TM7SF2: variants seen among roughly 807,000 people sequenced by gnomAD.
The protein encoded by TM7SF2 is transmembrane 7 superfamily member 2.
In TM7SF2, 51 loss-of-function variants were observed where a neutral mutation model predicts 51.0. That is an observed-to-expected ratio of 1.00 (90% confidence interval 0.80 to 1.26). TM7SF2 has a LOEUF of 1.26. TM7SF2 is among the 50% of genes most tolerant of loss of function. The probability of loss-of-function intolerance (pLI) is 0.00; values close to 1 mark genes in which losing one functional copy is unlikely to be tolerated. For synonymous variants in TM7SF2, 255 were observed against 241.0 expected (o/e 1.06, Z -0.54); for missense variants, 541 against 547.4 (o/e 0.99, Z 0.12).
intron 1 of TM7SF2, 65 bp from the exon 2 acceptor site, chr11:65,112,450 C>T (rs1590815710): frequency 1.4e-6 from 2 of 1,428,790 alleles, no homozygotes; most frequent in Non-Finnish European, 1.8e-6. Flanking sequence ...TCAGGGCGCC[C>T]GTGCGGGCCG....
chr11:65,113,092 G>A, intron 3 of TM7SF2, 128 bp from the exon 4 acceptor site: 3 of 1,153,564 alleles, frequency 2.6e-6, no homozygotes, highest in African/African-American at 1.6e-5. Context: ...ATCCTCTGAA[G>A]GCCAGGGTGG....
In TM7SF2 at chr11:65,115,302, C is replaced by T; in HGVS notation, c.893-12C>T. On this transcript the variant is annotated splice_polypyrimidine_tract_variant and intron_variant, in intron 7 of 9. Coordinates refer to ENST00000279263, the MANE Select transcript of TM7SF2 (RefSeq NM_003273.6). Reference sequence around the variant, plus strand: ...CCTTGACCTTGACCACCGGTTCACACTCTCTCACCAGCTACTGGTTACTAC... The same window carrying T: ...CCTTGACCTTGACCACCGGTTCACATTCTCTCACCAGCTACTGGTTACTAC... 2.5e-6 allele frequency: 4 copies of T among 1,613,644 alleles called. No homozygotes were observed. The highest frequency in any genetic ancestry group is 1.3e-5 in the African/African-American group (1 of 75,050).
At chr11:65,112,312 TG>T in intron 1 of TM7SF2, 1 of 660,558 alleles carries the variant, frequency 1.5e-6, no homozygotes, top group Non-Finnish European at 2.4e-6. Context: ...TCGAGGGGCC[TG>T]GGGGCGGGGG....
In TM7SF2 at chr11:65,114,784, G is replaced by C. The variant is rs1565324081; in HGVS notation, c.675G>C (p.Leu225=). The change falls in exon 6 of 10, where the codon CTG becomes CTC. Residue 225 remains leucine (L), a synonymous_variant. Transcript: ENST00000279263. ...LRGSPSLAMW[L]VNGFQLLYVG... Reference sequence around the variant, plus strand: ...GCAGTCCCTCACTGGCCATGTGGCTGGTCAATGGCTTCCAGTTGCTCTACG... The same window carrying C: ...GCAGTCCCTCACTGGCCATGTGGCTCGTCAATGGCTTCCAGTTGCTCTACG... 1 of 1,614,254 alleles carries C rather than the reference G, an allele frequency of 6.2e-7. No individual in the cohort carries two copies. Among genetic ancestry groups the C allele is most frequent in the Non-Finnish European group, 8.5e-7 (1 of 1,180,044 alleles).
Position 65,114,943 on chromosome 11 carries a change from CAT to C in TM7SF2, c.755_756del (p.His252ArgfsTer68), listed in dbSNP as rs1352456359. On this transcript the variant is annotated frameshift_variant, in exon 7 of 10. Transcript: ENST00000279263. LOFTEE classifies it high-confidence loss of function. The part of the protein sequence containing the change: ...EAVLTTMDIT[H>X]DGFGFMLAFG... ...CGTCCTCACCACCATGGATATCACACATGACGGGTTTGGCTTCATGCTGGCGT... is the reference window on the plus strand; with the variant it reads ...CGTCCTCACCACCATGGATATCACACGACGGGTTTGGCTTCATGCTGGCGT... The C allele has an allele frequency of 1.9e-5, 30 of 1,614,136 alleles. No homozygotes were observed. The highest frequency in any genetic ancestry group is 8.3e-5 in the Admixed American group (5 of 60,016).
At chr11:65,112,212 G>T in intron 1 of TM7SF2, 145 bp downstream of exon 1, 2 of 845,734 alleles carry the variant, frequency 2.4e-6, no homozygotes, top group South Asian at 1.7e-5. Flanking sequence ...GCAGCGAAGG[G>T]TGTCTGGAGA....
intron 5 of TM7SF2, among the ~76,000 whole-genome samples, chr11:65,114,313 CA>C (rs1393074147): frequency 2.6e-5 from 1 of 37,934 alleles, no homozygotes; most frequent in East Asian, 2.4e-3. Flanking sequence ...CGGCTAGCCA[CA>C]CTGAGCACGT....
rs2137206577 is a variant in TM7SF2, at chr11:65,115,239, G to A, written c.893-75G>A. 6.9e-6 allele frequency: 11 copies of A among 1,597,716 alleles called. No homozygotes were observed. In the South Asian group the frequency reaches 9.9e-5, roughly 14 times the overall value. ...CAGGCAGAGTCTGGGCTGCAGACAA[G>A]TTGGGCAGATGTTCGGGGTCAGGCA... On this transcript the variant is annotated intron_variant, in intron 7 of 9. Coordinates refer to ENST00000279263, the MANE Select transcript of TM7SF2 (RefSeq NM_003273.6).
In TM7SF2 at chr11:65,112,622, C is replaced by T. The variant is rs901336141; in HGVS notation, c.160C>T (p.Leu54=). The T allele has an allele frequency of 1.3e-6, 2 of 1,524,882 alleles. No homozygotes were observed. The highest frequency in any genetic ancestry group is 4.1e-5 in the Admixed American group (2 of 48,642). The allele number at this position is 1,524,882 out of a possible 1,614,324, so 94.5% of individuals were successfully genotyped here. Residue 54 remains leucine, a synonymous_variant, in exon 2 of 10, where the codon CTG becomes TTG. Transcript: ENST00000279263. ...LLGPPASLPG[L]EVLWSPRALL... Reference sequence around the variant, plus strand: ...GGGTCCACCCGCGTCCCTGCCGGGGCTGGAGGTGCTGTGGAGCCCACGGGC... The same window carrying T: ...GGGTCCACCCGCGTCCCTGCCGGGGTTGGAGGTGCTGTGGAGCCCACGGGC...
Position 65,111,937 on chromosome 11 carries a change from A to T in TM7SF2, c.-79A>T. ...CCGGATCCTCCGCGCGGCCGAGTCCATCTCCTGGGAAATGGGGCGGACAGT... is the reference window on the plus strand; with the variant it reads ...CCGGATCCTCCGCGCGGCCGAGTCCTTCTCCTGGGAAATGGGGCGGACAGT... On this transcript the variant is annotated 5_prime_UTR_variant, in exon 1 of 10. Transcript: ENST00000279263. 6.8e-7 allele frequency: 1 copy of T among 1,478,946 alleles called. No individual in the cohort carries two copies. Among genetic ancestry groups the T allele is most frequent in the South Asian group, 1.2e-5 (1 of 82,560 alleles). The allele number at this position is 1,478,946 out of a possible 1,614,324, so 91.6% of individuals were successfully genotyped here.
chr11:65,115,514 C>T lies in TM7SF2; in HGVS notation c.1012C>T (p.Leu338=). The part of the protein sequence containing the change: ...TISTATGRKL[L]VSGWWGMVRH... ...CTCTACAGCCACAGGGCGGAAACTG[C>T]TGGTGTCTGGGTGGTGGGGTATGGT... Residue 338 remains leucine, a synonymous_variant, in exon 9 of 10, where the codon CTG becomes TTG. Coordinates refer to ENST00000279263, the MANE Select transcript of TM7SF2 (RefSeq NM_003273.6). 1 of 1,614,160 alleles carries T rather than the reference C, an allele frequency of 6.2e-7. No individual in the cohort carries two copies. The highest frequency in any genetic ancestry group is 1.3e-5 in the African/African-American group (1 of 75,044).
rs553025048 is a variant in TM7SF2, at chr11:65,115,505, C to T, written c.1003C>T (p.Arg335Trp). Residue 335 changes from arginine (R) to tryptophan (W), a missense_variant, in exon 9 of 10, where the codon CGG becomes TGG. By Grantham distance (101) the Arg-to-Trp change is moderately radical. Coordinates refer to ENST00000279263, the MANE Select transcript of TM7SF2 (RefSeq NM_003273.6). ...TGAGACCATCTCTACAGCCACAGGG[C>T]GGAAACTGCTGGTGTCTGGGTGGTG... ...GLETISTATG[R>W]KLLVSGWWGM... is the part of the protein sequence containing the mutation. 6 of 1,614,138 alleles carry T rather than the reference C, an allele frequency of 3.7e-6. No homozygotes were observed. Among genetic ancestry groups the T allele is most frequent in the East Asian group, 2.2e-5 (1 of 44,884 alleles).
chr11:65,114,811 G>C lies in TM7SF2; in HGVS notation c.702G>C (p.Val234=). ...WLVNGFQLLY[V]GDALWHEEAV... ...TCAATGGCTTCCAGTTGCTCTACGT[G>C]GGTGATGCCCTCTGGCACGAGGTGA... Residue 234 remains valine, a synonymous_variant, in exon 6 of 10, where the codon GTG becomes GTC. Coordinates refer to ENST00000279263, the MANE Select transcript of TM7SF2 (RefSeq NM_003273.6). 6.2e-7 allele frequency: 1 copy of C among 1,614,264 alleles called. No individual in the cohort carries two copies. The highest frequency in any genetic ancestry group is 8.5e-7 in the Non-Finnish European group (1 of 1,180,040).
At chr11:65,113,455 C>T (rs777631580) in intron 4 of TM7SF2, 36 bp from the exon 5 acceptor site, 1 of 1,613,330 alleles carries the variant, frequency 6.2e-7, no homozygotes, top group Non-Finnish European at 8.5e-7. Flanking sequence ...CAGATTGGGG[C>T]GTCTGCCTGT....
At chr11:65,113,088 T>C in intron 3 of TM7SF2, 132 bp from the exon 4 acceptor site, 1 of 1,147,754 alleles carries the variant, frequency 8.7e-7, no homozygotes, top group Non-Finnish European at 1.2e-6. Context: ...GGTGATCCTC[T>C]GAAGGCCAGG....
At chr11:65,115,236 C>G in intron 7 of TM7SF2, 78 bp from the exon 8 acceptor site, 2 of 1,595,388 alleles carry the variant, frequency 1.3e-6, no homozygotes, top group South Asian at 2.2e-5. Flanking sequence ...GGGCTGCAGA[C>G]AAGTTGGGCA....
In TM7SF2 at chr11:65,115,680, T is replaced by C. The variant is rs1021347460; in HGVS notation, c.1096+82T>C. On this transcript the variant is annotated intron_variant, in intron 9 of 9. Transcript: ENST00000279263. ...GACCACAGGATGCCTACTTTGGGTA[T>C]GCACCAGTGAGAGTAGTCAGAGAGC... 59 of 1,608,198 alleles carry C rather than the reference T, an allele frequency of 3.7e-5. No homozygotes were observed. The African/African-American group carries it at 7.1e-4, about 19-fold the overall frequency.
chr11:65,112,998 G>A, intron 3 of TM7SF2, 133 bp downstream of exon 3: 1 of 1,193,888 alleles, frequency 8.4e-7, no homozygotes, highest in Non-Finnish European at 1.2e-6. Context: ...CAGGACAGAC[G>A]CCGGGGGCTC....
In TM7SF2 at chr11:65,115,953, G is replaced by A. The variant is rs769961279; in HGVS notation, c.1157G>A (p.Arg386His). 24 of 1,613,808 alleles carry A rather than the reference G, an allele frequency of 1.5e-5. No individual in the cohort carries two copies. The highest frequency in any genetic ancestry group is 3.3e-4 in the Middle Eastern group (2 of 6,072). The part of the protein sequence containing the change: ...LLYFTALLVH[R>H]EARDERQCLQ... Reference sequence around the variant, plus strand: ...TACTTCACCGCGCTGCTGGTGCACCGTGAGGCCCGGGATGAGCGGCAGTGC... The same window carrying A: ...TACTTCACCGCGCTGCTGGTGCACCATGAGGCCCGGGATGAGCGGCAGTGC... Residue 386 changes from arginine (R) to histidine (H), a missense_variant, in exon 10 of 10, where the codon CGT becomes CAT. Arg to His is a conservative substitution (Grantham distance 29, BLOSUM62 0). Coordinates refer to ENST00000279263, the MANE Select transcript of TM7SF2 (RefSeq NM_003273.6).
Sources: gnomAD v4.1 joint callset for allele counts (sites outside exome capture counted in the v4.1 genomes callset) on GRCh38, gnomAD v4.1.1 for gene constraint, MANE v1.5 for transcripts, NCBI Gene and HGNC (gene_info 2026-07-23, HGNC 2026-07-21) for gene names.